Variants in CREB5 observed in about 807,000 individuals in gnomAD.
CREB5 encodes cyclic AMP-responsive element-binding protein 5.
A neutral mutation model predicts 57.1 loss-of-function variants in CREB5; 19 were observed. That is an observed-to-expected ratio of 0.33 (90% CI 0.23 to 0.49). CREB5 has a LOEUF of 0.49. Among genes scored for constraint, CREB5 ranks in the 20% least tolerant of loss-of-function variants. The pLI, the probability that CREB5 is intolerant of heterozygous loss-of-function variation, is 0.99. For synonymous variants in CREB5, 238 were observed against 238.3 expected (o/e 1.00, Z 0.01); for missense variants, 579 against 671.6 (o/e 0.86, Z 1.52).
At chr7:28,586,503 T>C (rs1159647068) in intron 5 of CREB5, among the ~76,000 whole-genome samples, 5 of 152,216 alleles carry the variant, frequency 3.3e-5, no homozygotes, top group Non-Finnish European at 1.5e-5. Context: ...AGCTGAAGTC[T>C]GACCTCGGGC....
chr7:28,720,410 A>C (rs1352362960), intron 6 of CREB5, among the ~76,000 whole-genome samples: 2 of 152,222 alleles, frequency 1.3e-5, no homozygotes, highest in African/African-American at 4.8e-5. Context: ...GAAAAGCTGA[A>C]GAAGAAATTG....
intron 4 of CREB5, among the ~76,000 whole-genome samples, chr7:28,560,851 T>TGCGCGTGCGC (rs1416148801): frequency 2.9e-5 from 2 of 69,140 alleles, no homozygotes; most frequent in African/African-American, 5.7e-5. Flanking sequence ...TGTGCGCGTG[T>TGCGCGTGCGC]GTGTGTGCGT....
chr7:28,414,717 T>C (rs1260642346), intron 1 of CREB5, among the ~76,000 whole-genome samples: 2 of 152,194 alleles, frequency 1.3e-5, no homozygotes, highest in African/African-American at 4.8e-5. Flanking sequence ...AATGAGCAAT[T>C]AGTGTTTTTT....
rs1211832515 is a variant in CREB5, at chr7:28,560,861, TGTGCCTGCGTGCGCGTGCGTGCGTGC to T, written c.292-9500_292-9475del. Among the ~76,000 whole-genome samples the T allele has an allele frequency of 6.3e-4, 29 of 45,890 alleles. 2 individuals are homozygous for T. The highest frequency in any genetic ancestry group is 1.7e-3 in the South Asian group (2 of 1,166). The allele number at this position is 45,890 out of a possible 152,430, so 30.1% of individuals were successfully genotyped here. ...GTGTGTGTGCGCGTGTGTGTGTGCG[TGTGCCTGCGTGCGCGTGCGTGCGTGC>T]GTGTGTGTGCGTGCGCGCGTGCGTG... On this transcript the variant is annotated intron_variant, in intron 4 of 10. Transcript: ENST00000357727.
At chr7:28,701,347 T>C (rs1801850422) in intron 5 of CREB5, among the ~76,000 whole-genome samples, 1 of 152,152 alleles carries the variant, frequency 6.6e-6, no homozygotes, top group Middle Eastern at 3.2e-3. Context: ...ATAAAGCCAA[T>C]TAACTCATTT....
intron 5 of CREB5, among the ~76,000 whole-genome samples, chr7:28,682,911 G>A (rs1800674537): frequency 6.6e-6 from 1 of 152,200 alleles, no homozygotes; most frequent in African/African-American, 2.4e-5. Flanking sequence ...AAATCTCAAA[G>A]GTTTCCACTT....
At chr7:28,303,099 G>A (rs138802167) in intron 1 of CREB5, among the ~76,000 whole-genome samples, 4,401 of 145,272 alleles carry the variant, frequency 0.03, 229 homozygotes, top group African/African-American at 0.11. Context: ...CCAAGATTGT[G>A]CCATTGCACT....
At chr7:28,315,905 C>A (rs1372213832) in intron 1 of CREB5, among the ~76,000 whole-genome samples, 1 of 152,150 alleles carries the variant, frequency 6.6e-6, no homozygotes, top group Non-Finnish European at 1.5e-5. Context: ...TGGAAGTGAT[C>A]AGTGGAGGAA....
chr7:28,793,447 C>T (rs1807846048), intron 7 of CREB5, among the ~76,000 whole-genome samples: 1 of 152,318 alleles, frequency 6.6e-6, no homozygotes, highest in East Asian at 1.9e-4. Context: ...CCCAATGGTA[C>T]ACATCTTGCT....
intron 5 of CREB5, among the ~76,000 whole-genome samples, chr7:28,692,007 A>G (rs568483172): frequency 1.3e-4 from 17 of 133,932 alleles, no homozygotes; most frequent in African/African-American, 4.9e-4. Context: ...CCTCTCTACT[A>G]AAATACAAAA....
chr7:28,808,236 C>T (rs1232323866), intron 8 of CREB5, among the ~76,000 whole-genome samples: 2 of 152,224 alleles, frequency 1.3e-5, no homozygotes, highest in African/African-American at 4.8e-5. Context: ...GAGGGGCAGG[C>T]AGGCCCGGCT....
At chr7:28,592,897 A>G (rs531799872) in intron 5 of CREB5, among the ~76,000 whole-genome samples, 1 of 152,308 alleles carries the variant, frequency 6.6e-6, no homozygotes, top group African/African-American at 2.4e-5. Flanking sequence ...TATGATTCCT[A>G]TTTCACAGAT....
At chr7:28,814,185 C>T (rs185316427) in intron 9 of CREB5, among the ~76,000 whole-genome samples, 3 of 152,332 alleles carry the variant, frequency 2.0e-5, no homozygotes, top group Admixed American at 1.3e-4. Context: ...ATTCCACTTA[C>T]GTTCCCTTGA....
At chr7:28,304,107 C>T (rs1255323555) in intron 1 of CREB5, among the ~76,000 whole-genome samples, 1 of 152,146 alleles carries the variant, frequency 6.6e-6, no homozygotes, top group Non-Finnish European at 1.5e-5. Flanking sequence ...CATAAGGCTT[C>T]ATCCTGTTTT....
At position 28,330,685 on chromosome 7, in the gene CREB5, G is replaced by A. The variant is rs753616488; in HGVS notation, c.-25+31244G>A. ...CTCCCAGCTGAAGGGCAGGTTGAAA[G>A]CAGCAGCACAAATTTTTATCAGGTT... On this transcript the variant is annotated intron_variant, in intron 1 of 9. Coordinates refer to the CREB5 transcript ENST00000396299. Among the ~76,000 whole-genome samples, 116 of 151,536 alleles carry A rather than the reference G, an allele frequency of 7.7e-4. 1 individual carries two copies. The highest frequency in any genetic ancestry group is 6.8e-3 in the Middle Eastern group (2 of 294).
At chr7:28,391,962 G>A (rs1787224836) in intron 1 of CREB5, among the ~76,000 whole-genome samples, 1 of 152,216 alleles carries the variant, frequency 6.6e-6, no homozygotes, top group Middle Eastern at 3.4e-3. Flanking sequence ...ACAAAATCCT[G>A]TCCTTTGCAG....
intron 5 of CREB5, among the ~76,000 whole-genome samples, chr7:28,658,463 G>A (rs968928076): frequency 3.3e-5 from 5 of 152,198 alleles, no homozygotes; most frequent in Admixed American, 6.5e-5. Context: ...CTTAACAGTG[G>A]TGAAGGAGGC....
At chr7:28,760,115 A>G (rs569555692) in intron 7 of CREB5, among the ~76,000 whole-genome samples, 52 of 152,326 alleles carry the variant, frequency 3.4e-4, no homozygotes, top group African/African-American at 1.2e-3. Flanking sequence ...TGTTTTGAAC[A>G]ATAGAAATAC....
intron 1 of CREB5, among the ~76,000 whole-genome samples, chr7:28,299,656 T>C (rs1785066545): frequency 6.6e-6 from 1 of 152,232 alleles, no homozygotes; most frequent in Non-Finnish European, 1.5e-5. Flanking sequence ...CTCAAAAGAA[T>C]AGACAAATAC....
Sources: allele counts gnomAD v4.1 joint callset (sites outside exome capture counted in the v4.1 genomes callset), GRCh38; gene constraint gnomAD v4.1.1; transcripts MANE v1.5; gene names NCBI Gene and HGNC (gene_info 2026-07-23, HGNC 2026-07-21).